Variants in FAM53A observed in about 807,000 individuals in gnomAD.
The protein encoded by FAM53A is family with sequence similarity 53 member A, also known as protein FAM53A.
A neutral mutation model predicts 26.6 loss-of-function variants in FAM53A; 28 were observed. The observed-to-expected ratio is 1.05, with a 90% confidence interval of 0.78 to 1.45. The LOEUF is 1.45. Among genes scored for constraint, FAM53A ranks in the 40% most tolerant of loss-of-function variants. The probability of loss-of-function intolerance (pLI) is 0.00; values close to 1 mark genes in which losing one functional copy is unlikely to be tolerated. For synonymous variants in FAM53A, 290 were observed against 253.1 expected (o/e 1.15, Z -1.38); for missense variants, 650 against 575.8 (o/e 1.13, Z -1.32).
Position 1,641,613 on chromosome 4 carries a change from A to C in FAM53A, c.883-6T>G. 6.2e-7 allele frequency: 1 copy of C among 1,613,998 alleles called. No homozygotes were observed. Among genetic ancestry groups the C allele is most frequent in the Non-Finnish European group, 8.5e-7 (1 of 1,179,934 alleles). ...CTTTTTGAATTTTTTAAAGTCTGCAATAGAAAAGATACGGGCTTAAAGCAT... is the reference window on the plus strand; with the variant it reads ...CTTTTTGAATTTTTTAAAGTCTGCACTAGAAAAGATACGGGCTTAAAGCAT... On this transcript the variant is annotated splice_region_variant and splice_polypyrimidine_tract_variant and intron_variant, in intron 4 of 4. Transcript: ENST00000308132.
chr4:1,587,825 G>T, the FAM53A span, among the ~76,000 whole-genome samples: 9 of 151,998 alleles, frequency 5.9e-5, no homozygotes, highest in African/African-American at 2.2e-4. Context: ...TTATGTCTTT[G>T]TAGCATGTTT....
chr4:1,676,495 A>T (rs892865385), intron 1 of FAM53A, among the ~76,000 whole-genome samples: 3 of 152,022 alleles, frequency 2.0e-5, no homozygotes, highest in African/African-American at 7.2e-5. Flanking sequence ...ACCTCACTCA[A>T]CCCCTAAAAC....
chr4:1,603,063 C>A, the FAM53A span, among the ~76,000 whole-genome samples: 2 of 152,206 alleles, frequency 1.3e-5, no homozygotes, highest in Admixed American at 6.5e-5. Flanking sequence ...TCAGAGGTTG[C>A]GTCCTCTCGC....
At chr4:1,600,968 C>G in the FAM53A span, among the ~76,000 whole-genome samples, 2 of 152,176 alleles carry the variant, frequency 1.3e-5, no homozygotes, top group Non-Finnish European at 2.9e-5. Flanking sequence ...CAGGGCCCAG[C>G]CCTGGAGGGA....
At chr4:1,626,334 T>C (rs1203275664) in intron 1 of FAM53A, among the ~76,000 whole-genome samples, 1 of 152,194 alleles carries the variant, frequency 6.6e-6, no homozygotes, top group Non-Finnish European at 1.5e-5. Flanking sequence ...CCACAGCATC[T>C]CACAGCAGAA....
the FAM53A span, among the ~76,000 whole-genome samples, chr4:1,609,168 C>G: frequency 6.6e-6 from 1 of 152,102 alleles, no homozygotes; most frequent in Non-Finnish European, 1.5e-5. Flanking sequence ...CCCCTCCCCT[C>G]AGGATGTGGC....
the FAM53A span, among the ~76,000 whole-genome samples, chr4:1,610,382 G>A: frequency 7.2e-5 from 11 of 152,218 alleles, no homozygotes; most frequent in Non-Finnish European, 1.2e-4. Context: ...AGGGGCAGAC[G>A]GGCAAGGGGA....
At chr4:1,632,198 T>A (rs1431961133) in intron 1 of FAM53A, among the ~76,000 whole-genome samples, 1 of 149,148 alleles carries the variant, frequency 6.7e-6, no homozygotes, top group African/African-American at 2.5e-5. Context: ...TATTTGGAGA[T>A]ACGGTCTCTA....
chr4:1,615,940 C>T (rs570219953), downstream of FAM53A, among the ~76,000 whole-genome samples: 32 of 152,196 alleles, frequency 2.1e-4, no homozygotes, highest in Non-Finnish European at 4.1e-4. Context: ...GTTTCAGAGA[C>T]ATCCGTTTGG....
chr4:1,654,198 G>T (rs938743178), intron 4 of FAM53A, among the ~76,000 whole-genome samples: 2 of 152,168 alleles, frequency 1.3e-5, no homozygotes, highest in Admixed American at 1.3e-4. Flanking sequence ...AAGCTTCCCC[G>T]ACACAGATGA....
intron 1 of FAM53A, among the ~76,000 whole-genome samples, chr4:1,682,569 C>CT (rs940450833): frequency 2.0e-5 from 3 of 152,092 alleles, no homozygotes; most frequent in East Asian, 3.9e-4. Context: ...CCTTAATTTC[C>CT]TTTTTTAGAA....
At chr4:1,602,753 C>T in the FAM53A span, among the ~76,000 whole-genome samples, 21 of 152,234 alleles carry the variant, frequency 1.4e-4, no homozygotes, top group African/African-American at 2.4e-4. Context: ...GCGGGTGTGA[C>T]GGTCCCGGAA....
At chr4:1,591,994 C>T in the FAM53A span, among the ~76,000 whole-genome samples, 16 of 152,188 alleles carry the variant, frequency 1.1e-4, no homozygotes, top group Admixed American at 2.0e-4. Flanking sequence ...AAGCCCAAAG[C>T]AGTCGGTCAC....
chr4:1,602,691 G>C, the FAM53A span, among the ~76,000 whole-genome samples: 2 of 152,202 alleles, frequency 1.3e-5, no homozygotes, highest in African/African-American at 4.8e-5. Context: ...CCAGGCAGGA[G>C]CTGCGAGGCC....
At chr4:1,578,672 G>T in the FAM53A span, among the ~76,000 whole-genome samples, 1 of 148,916 alleles carries the variant, frequency 6.7e-6, no homozygotes, top group Admixed American at 6.6e-5. Flanking sequence ...ACCCCGAACC[G>T]CCCTCTGCAG....
intron 1 of FAM53A, among the ~76,000 whole-genome samples, chr4:1,681,615 G>A (rs191252534): frequency 2.1e-4 from 32 of 150,474 alleles, no homozygotes; most frequent in Non-Finnish European, 3.7e-4. Context: ...TCCCACCTCA[G>A]CCTCCCAAGT....
At chr4:1,603,921 G>A in the FAM53A span, among the ~76,000 whole-genome samples, 4 of 152,184 alleles carry the variant, frequency 2.6e-5, no homozygotes, top group Admixed American at 2.0e-4. Context: ...TTCTCGGGGC[G>A]ACAGGGCCAA....
At chr4:1,643,413 C>T (rs1472163300) in intron 4 of FAM53A, among the ~76,000 whole-genome samples, 1 of 151,818 alleles carries the variant, frequency 6.6e-6, no homozygotes, top group Non-Finnish European at 1.5e-5. Flanking sequence ...TTGCAGTGAG[C>T]CGAGATTGGG....
the FAM53A span, among the ~76,000 whole-genome samples, chr4:1,596,952 G>T: frequency 2.6e-5 from 4 of 152,106 alleles, no homozygotes; most frequent in African/African-American, 4.8e-5. Context: ...GCCCCCGGGG[G>T]CTCGCCCTGG....
Sources: gnomAD v4.1 joint callset for allele counts (sites outside exome capture counted in the v4.1 genomes callset) on GRCh38, gnomAD v4.1.1 for gene constraint, MANE v1.5 for transcripts, NCBI Gene and HGNC (gene_info 2026-07-23, HGNC 2026-07-21) for gene names.